Variants in SEC22A observed in about 807,000 individuals in gnomAD.
SEC22A encodes the protein SEC22 homolog A, vesicle trafficking protein.
A neutral mutation model predicts 35.3 loss-of-function variants in SEC22A; 22 were observed. The observed-to-expected ratio is 0.62, with a 90% CI of 0.45 to 0.89. The LOEUF (loss-of-function observed/expected upper bound fraction) is 0.89, where lower values mean the gene tolerates loss of function less well. Ranked by LOEUF, SEC22A falls within the 40% of genes least tolerant of loss-of-function variation. The pLI is 0.00. For synonymous variants in SEC22A, 119 were observed against 129.5 expected, an observed-to-expected ratio of 0.92 and a Z score of 0.55; for missense variants, 354 against 362.5, an observed-to-expected ratio of 0.98 and a Z score of 0.19.
chr3:123,238,412 G>A (rs1937456725), intron 4 of SEC22A, among the ~76,000 whole-genome samples: 1 of 152,072 alleles, frequency 6.6e-6, no homozygotes, highest in African/African-American at 2.4e-5. Context: ...TGGCCAGGCT[G>A]GCCTCGAACT....
intron 4 of SEC22A, among the ~76,000 whole-genome samples, chr3:123,235,196 A>T (rs1937396783): frequency 6.6e-6 from 1 of 152,160 alleles, no homozygotes; most frequent in African/African-American, 2.4e-5. Context: ...CCCAATTCAA[A>T]ATTAAAAACT....
At chr3:123,221,666 G>A (rs1281095560) in intron 2 of SEC22A, among the ~76,000 whole-genome samples, 1 of 151,650 alleles carries the variant, frequency 6.6e-6, no homozygotes, top group African/African-American at 2.4e-5. Flanking sequence ...TTATTATAGT[G>A]GGGTATATAC....
chr3:123,256,399 C>T (rs1937733128), intron 5 of SEC22A, among the ~76,000 whole-genome samples: 1 of 152,184 alleles, frequency 6.6e-6, no homozygotes, highest in Non-Finnish European at 1.5e-5. Context: ...ATATGCCCAA[C>T]TTAGTGCATG....
chr3:123,230,720 A>T (rs1937311071), intron 4 of SEC22A, among the ~76,000 whole-genome samples: 1 of 150,698 alleles, frequency 6.6e-6, no homozygotes, highest in Non-Finnish European at 1.5e-5. Context: ...AAAAAAAAAA[A>T]AGTGAAGGAG....
At chr3:123,208,864 G>A (rs1936892805) in intron 1 of SEC22A, 1 of 230,724 alleles carries the variant, frequency 4.3e-6, no homozygotes, top group South Asian at 5.8e-5. Flanking sequence ...ACGCGATTTC[G>A]GCTCACTGCA....
chr3:123,215,277 C>T (rs779955357), intron 2 of SEC22A, among the ~76,000 whole-genome samples: 5 of 152,204 alleles, frequency 3.3e-5, no homozygotes, highest in Non-Finnish European at 5.9e-5. Context: ...CTCATTTCTA[C>T]AGTCTCTCAC....
intron 2 of SEC22A, among the ~76,000 whole-genome samples, chr3:123,218,734 A>G (rs80097192): frequency 0.013 from 1,988 of 152,318 alleles, 48 homozygotes; most frequent in African/African-American, 0.046. Flanking sequence ...CTTTGTGTAG[A>G]TACTACTAAG....
intron 6 of SEC22A, among the ~76,000 whole-genome samples, chr3:123,267,620 A>G (rs1017871004): frequency 1.3e-5 from 2 of 152,288 alleles, no homozygotes; most frequent in South Asian, 4.1e-4. Context: ...AGGAAAAGGA[A>G]AGCCTATTGT....
intron 6 of SEC22A, among the ~76,000 whole-genome samples, chr3:123,267,867 T>C (rs1464324024): frequency 6.6e-6 from 1 of 152,250 alleles, no homozygotes; most frequent in African/African-American, 2.4e-5. Flanking sequence ...TTTTTTTCTT[T>C]CAGCACTTGA....
At chr3:123,211,830 G>A (rs1248936895) in intron 2 of SEC22A, among the ~76,000 whole-genome samples, 1 of 152,092 alleles carries the variant, frequency 6.6e-6, no homozygotes, top group Non-Finnish European at 1.5e-5. Flanking sequence ...CACTTTGAGA[G>A]GCCGAGGCAG....
chr3:123,223,110 G>A (rs910924881), intron 2 of SEC22A, among the ~76,000 whole-genome samples: 1 of 152,158 alleles, frequency 6.6e-6, no homozygotes, highest in Non-Finnish European at 1.5e-5. Flanking sequence ...AACTTCAAGA[G>A]GTCAGTGATC....
intron 5 of SEC22A, 136 bp from the exon 6 acceptor site, chr3:123,259,388 C>T: frequency 1.6e-6 from 1 of 630,130 alleles, no homozygotes; most frequent in Non-Finnish European, 2.9e-6. Context: ...CATTTTAGGA[C>T]TCTTGAGAAT....
At chr3:123,244,767 G>T (rs1937553183) in intron 4 of SEC22A, among the ~76,000 whole-genome samples, 1 of 152,094 alleles carries the variant, frequency 6.6e-6, no homozygotes, top group Non-Finnish European at 1.5e-5. Flanking sequence ...AATTGTTAGG[G>T]CGTTTACACT....
intron 6 of SEC22A, among the ~76,000 whole-genome samples, chr3:123,269,179 A>ATGTGTGTGTGTGTGTG (rs200267944): frequency 9.9e-5 from 12 of 120,664 alleles, no homozygotes; most frequent in African/African-American, 3.4e-4. Flanking sequence ...AATTAAATAT[A>ATGTGTGTGTGTGTGTG]TGTGTGTGTG....
chr3:123,245,570 G>A (rs9882227), intron 4 of SEC22A, among the ~76,000 whole-genome samples: 29,800 of 151,880 alleles, frequency 0.2, 3,029 homozygotes, highest in Middle Eastern at 0.27. Flanking sequence ...ATGGTGGCAC[G>A]TGCCTGTAAT....
chr3:123,210,498 T>C (rs1559750650), intron 2 of SEC22A, among the ~76,000 whole-genome samples: 1 of 152,178 alleles, frequency 6.6e-6, no homozygotes. Flanking sequence ...TGTTTGGACA[T>C]GTTAAATCTG....
chr3:123,271,897 A>C lies in SEC22A; in HGVS notation c.*175A>C. On this transcript the variant is annotated 3_prime_UTR_variant, in exon 7 of 7. Transcript: ENST00000492595. ...CCTGTGAGCATGGAAGAGTCCTCTC[A>C]GAAGAATGTTGGCCATGAGACTATC... is the stretch of plus-strand genomic sequence containing the variant. 1.7e-6 allele frequency: 1 copy of C among 584,282 alleles called. No homozygotes were observed. The highest frequency in any genetic ancestry group is 3.0e-6 in the Non-Finnish European group (1 of 334,830). 36.2% of individuals were successfully genotyped at this position (584,282 alleles called of 1,614,324 possible). A position where few individuals can be genotyped will look rare whatever the true frequency, so the allele number is the denominator to read the frequency against.
At chr3:123,259,914 C>T (rs1035145295) in intron 6 of SEC22A, among the ~76,000 whole-genome samples, 1 of 151,924 alleles carries the variant, frequency 6.6e-6, no homozygotes, top group African/African-American at 2.4e-5. Context: ...GGGCAGATCA[C>T]TTGAGGTCAG....
At chr3:123,269,297 C>T (rs139523715) in intron 6 of SEC22A, among the ~76,000 whole-genome samples, 21 of 151,468 alleles carry the variant, frequency 1.4e-4, no homozygotes, top group African/African-American at 4.9e-4. Context: ...AATATAAAAT[C>T]ACCATTAAGC....
Sources: gnomAD v4.1 joint callset for allele counts (sites outside exome capture counted in the v4.1 genomes callset) on GRCh38, gnomAD v4.1.1 for gene constraint, MANE v1.5 for transcripts, NCBI Gene and HGNC (gene_info 2026-07-23, HGNC 2026-07-21) for gene names.